Variants in GRID2 observed in about 807,000 individuals in gnomAD.
GRID2 encodes the protein glutamate ionotropic receptor delta type subunit 2, also known as glutamate receptor ionotropic, delta-2.
A neutral mutation model predicts 114.8 loss-of-function variants in GRID2; 33 were observed. The observed-to-expected ratio is 0.29, with a 90% CI of 0.22 to 0.38. The LOEUF (loss-of-function observed/expected upper bound fraction) is 0.38. Among genes scored for constraint, GRID2 ranks in the 10% least tolerant of loss-of-function variants. The pLI is 1.00. For synonymous variants in GRID2, 505 were observed against 449.9 expected (o/e 1.12, Z -1.55); for missense variants, 1,184 against 1,257.7 (o/e 0.94, Z 0.89).
intron 9 of GRID2, among the ~76,000 whole-genome samples, chr4:93,417,016 T>A (rs1376196061): frequency 6.6e-6 from 1 of 152,114 alleles, no homozygotes; most frequent in East Asian, 1.9e-4. Flanking sequence ...TTGTTTTCAT[T>A]TAATAGGCAG....
At chr4:92,538,492 G>T (rs7688395) in intron 1 of GRID2, among the ~76,000 whole-genome samples, 67,236 of 151,954 alleles carry the variant, frequency 0.44, 15,007 homozygotes, top group Middle Eastern at 0.56. Context: ...TGCCTATTGA[G>T]TCTCATGAGA....
At chr4:92,853,269 T>C (rs555504989) in intron 2 of GRID2, among the ~76,000 whole-genome samples, 2 of 152,108 alleles carry the variant, frequency 1.3e-5, no homozygotes, top group African/African-American at 2.4e-5. Context: ...TAAAGGAATG[T>C]CAAATAAATA....
At chr4:93,784,228 C>T (rs1485426813) in intron 1 of GRID2, among the ~76,000 whole-genome samples, 2 of 152,062 alleles carry the variant, frequency 1.3e-5, no homozygotes, top group Non-Finnish European at 1.5e-5. Context: ...GTCTCCCAAG[C>T]TTCACTCTTT....
At chr4:92,348,382 T>A (rs1296438784) in intron 1 of GRID2, among the ~76,000 whole-genome samples, 1 of 152,206 alleles carries the variant, frequency 6.6e-6, no homozygotes, top group African/African-American at 2.4e-5. Context: ...AATTATTTCC[T>A]TGACAGGGAT....
intron 1 of GRID2, among the ~76,000 whole-genome samples, chr4:92,458,038 T>G (rs552336184): frequency 6.6e-6 from 1 of 152,318 alleles, no homozygotes; most frequent in South Asian, 2.1e-4. Flanking sequence ...AATTGTGCAT[T>G]TAGAATAGCA....
At chr4:93,666,927 A>G (rs1176942398) in intron 14 of GRID2, among the ~76,000 whole-genome samples, 4 of 152,096 alleles carry the variant, frequency 2.6e-5, no homozygotes, top group Non-Finnish European at 5.9e-5. Flanking sequence ...ACTCCTTCAA[A>G]TGATTGTCAA....
intron 2 of GRID2, among the ~76,000 whole-genome samples, chr4:92,778,907 T>A (rs1248028089): frequency 6.6e-6 from 1 of 152,050 alleles, no homozygotes; most frequent in Non-Finnish European, 1.5e-5. Flanking sequence ...AAGAGCTTAA[T>A]CCTCAGAGAA....
intron 2 of GRID2, among the ~76,000 whole-genome samples, chr4:93,052,558 T>C (rs1726823082): frequency 6.6e-6 from 1 of 151,926 alleles, no homozygotes; most frequent in South Asian, 2.1e-4. Context: ...TGATAAGCAC[T>C]TGTGTATCTA....
At chr4:93,420,697 AT>A (rs1218868435) in intron 9 of GRID2, among the ~76,000 whole-genome samples, 1 of 121,458 alleles carries the variant, frequency 8.2e-6, no homozygotes, top group Non-Finnish European at 1.7e-5. Flanking sequence ...TTAACAAAAA[AT>A]ATGGAAATTT....
At chr4:93,638,301 C>CTTTTTTTTTTTTTTTTTTTTTT (rs1184003180) in intron 14 of GRID2, among the ~76,000 whole-genome samples, 10 of 77,304 alleles carry the variant, frequency 1.3e-4, no homozygotes, top group Non-Finnish European at 2.4e-4. Flanking sequence ...AAACTTGCAT[C>CTTTTTTTTTTTTTTTTTTTTTT]TTTTTTTTTT....
At chr4:92,980,758 T>C (rs1402156822) in intron 2 of GRID2, among the ~76,000 whole-genome samples, 1 of 152,142 alleles carries the variant, frequency 6.6e-6, no homozygotes, top group Admixed American at 6.5e-5. Flanking sequence ...ATGTGCAATG[T>C]AGAAAAGCAT....
chr4:92,982,264 T>C (rs939071771), intron 2 of GRID2, among the ~76,000 whole-genome samples: 2 of 152,010 alleles, frequency 1.3e-5, no homozygotes, highest in Admixed American at 1.3e-4. Context: ...TTGATATTTG[T>C]GATAAACATG....
At chr4:92,994,252 AATTT>A (rs1166048551) in intron 2 of GRID2, among the ~76,000 whole-genome samples, 2 of 152,352 alleles carry the variant, frequency 1.3e-5, no homozygotes, top group Middle Eastern at 3.4e-3. Context: ...CTTATATTCC[AATTT>A]GTTTGTTTTA....
chr4:93,584,910 G>A (rs1737376140), intron 13 of GRID2, among the ~76,000 whole-genome samples: 1 of 152,076 alleles, frequency 6.6e-6, no homozygotes, highest in Admixed American at 6.6e-5. Context: ...GCCCTTGATT[G>A]ATGAGAGGAA....
At position 93,196,946 on chromosome 4, in the gene GRID2, A is replaced by C. The variant is rs149469287; in HGVS notation, c.736-10458A>C. Among the ~76,000 whole-genome samples, 1,359 of 152,236 alleles carry C rather than the reference A, an allele frequency of 8.9e-3. 9 individuals are homozygous for C. Among genetic ancestry groups the C allele is most frequent in the Non-Finnish European group, 0.014 (941 of 68,002 alleles). ...ATGTGTGTGTGTACATGAAATGTTT[A>C]ATCAGTTAACCAGTGTAGCAAATTT... On this transcript the variant is annotated intron_variant, in intron 4 of 15. Transcript: ENST00000282020.
intron 12 of GRID2, among the ~76,000 whole-genome samples, chr4:93,491,415 G>A (rs1197551174): frequency 6.6e-6 from 1 of 151,840 alleles, no homozygotes; most frequent in Non-Finnish European, 1.5e-5. Context: ...CTAAGCCAGT[G>A]TCTCAATTCA....
rs1262763496 is a variant in GRID2 at position 93,134,803 on chromosome 4, A to G, written c.735+23850A>G. ...TTGGGTAGTAGAGGTCCCTTCACCA[A>G]TTCTACCCAGTGGCTATAAGAAGCA... On this transcript the variant is annotated intron_variant, in intron 4 of 15. Transcript: ENST00000282020. Among the ~76,000 whole-genome samples the G allele has an allele frequency of 3.9e-5, 6 of 152,134 alleles. 1 individual carries two copies. Among genetic ancestry groups the G allele is most frequent in the South Asian group, 4.1e-4 (2 of 4,828 alleles).
intron 1 of GRID2, among the ~76,000 whole-genome samples, chr4:92,364,940 T>C (rs1728779424): frequency 6.6e-6 from 1 of 152,110 alleles, no homozygotes; most frequent in African/African-American, 2.4e-5. Flanking sequence ...CTGCCCTGTT[T>C]CCTACTACAT....
At chr4:93,413,619 T>G (rs1470772414) in intron 9 of GRID2, among the ~76,000 whole-genome samples, 1 of 152,210 alleles carries the variant, frequency 6.6e-6, no homozygotes, top group African/African-American at 2.4e-5. Context: ...CTTGTTATTT[T>G]AATTTGTATT....
Sources: gnomAD v4.1 joint callset for allele counts (sites outside exome capture counted in the v4.1 genomes callset) on GRCh38, gnomAD v4.1.1 for gene constraint, MANE v1.5 for transcripts, NCBI Gene and HGNC (gene_info 2026-07-23, HGNC 2026-07-21) for gene names.